SGCZ: variants seen among roughly 807,000 people sequenced by gnomAD.
SGCZ encodes sarcoglycan zeta.
SGCZ carries 40 observed loss-of-function variants against 41.3 expected under a neutral mutation model. The observed-to-expected ratio is 0.97, with a 90% CI of 0.75 to 1.26. The LOEUF (loss-of-function observed/expected upper bound fraction) is 1.26, where lower values mean the gene tolerates loss of function less well. Among genes scored for constraint, SGCZ ranks in the 50% most tolerant of loss-of-function variants. The pLI, the probability that SGCZ is intolerant of heterozygous loss-of-function variation, is 0.00. For synonymous variants in SGCZ, 206 were observed against 137.5 expected (o/e 1.50, Z -3.49); for missense variants, 552 against 369.8 (o/e 1.49, Z -4.04).
chr8:14,333,727 T>C (rs753779545), intron 2 of SGCZ, among the ~76,000 whole-genome samples: 32 of 151,830 alleles, frequency 2.1e-4, no homozygotes, highest in Non-Finnish European at 4.0e-4. Flanking sequence ...GGTGAAATAA[T>C]ACCCCTTTAA....
chr8:14,356,778 AAAT>A (rs1803311812), intron 2 of SGCZ, among the ~76,000 whole-genome samples: 1 of 152,090 alleles, frequency 6.6e-6, no homozygotes. Flanking sequence ...ATACGATTGC[AAAT>A]AATACTAGGT....
chr8:15,176,476 T>C (rs1220827268), intron 1 of SGCZ, among the ~76,000 whole-genome samples: 1 of 152,204 alleles, frequency 6.6e-6, no homozygotes, highest in Non-Finnish European at 1.5e-5. Flanking sequence ...TAATACTGTA[T>C]GTGAATATAC....
At chr8:14,430,877 C>T (rs1799924903) in intron 2 of SGCZ, among the ~76,000 whole-genome samples, 1 of 152,066 alleles carries the variant, frequency 6.6e-6, no homozygotes, top group African/African-American at 2.4e-5. Flanking sequence ...GTACACAAAT[C>T]AGTAGCTTTT....
chr8:15,085,082 G>A (rs1301314104), intron 1 of SGCZ, among the ~76,000 whole-genome samples: 1 of 152,160 alleles, frequency 6.6e-6, no homozygotes, highest in Non-Finnish European at 1.5e-5. Flanking sequence ...GATCTATGCA[G>A]TCAATTATCC....
intron 1 of SGCZ, among the ~76,000 whole-genome samples, chr8:14,675,230 G>C (rs866817853): frequency 6.6e-6 from 1 of 151,506 alleles, no homozygotes; most frequent in Admixed American, 6.6e-5. Context: ...GTGAGCCACC[G>C]CACCCGGCCA....
intron 1 of SGCZ, among the ~76,000 whole-genome samples, chr8:14,726,874 T>C (rs1810073690): frequency 6.6e-6 from 1 of 152,072 alleles, no homozygotes; most frequent in South Asian, 2.1e-4. Context: ...GTATCTAGTA[T>C]AAATATTATT....
At chr8:14,412,788 A>T (rs1799396010) in intron 2 of SGCZ, among the ~76,000 whole-genome samples, 1 of 152,018 alleles carries the variant, frequency 6.6e-6, no homozygotes, top group South Asian at 2.1e-4. Context: ...AAATAGCAGC[A>T]ACTATAAGGA....
chr8:14,309,620 C>T (rs1158810674), intron 3 of SGCZ: 11 of 1,610,728 alleles, frequency 6.8e-6, no homozygotes, highest in South Asian at 4.4e-5. Flanking sequence ...ATCAGTCCCA[C>T]GCAGACACAG....
chr8:14,818,722 A>G (rs989595184), intron 1 of SGCZ, among the ~76,000 whole-genome samples: 2 of 152,176 alleles, frequency 1.3e-5, no homozygotes, highest in Admixed American at 1.3e-4. Context: ...GAGAAATTCA[A>G]CAAAGAGAAA....
At chr8:14,444,569 A>G (rs1015652678) in intron 2 of SGCZ, among the ~76,000 whole-genome samples, 2 of 150,672 alleles carry the variant, frequency 1.3e-5, no homozygotes, top group Admixed American at 6.6e-5. Context: ...AGAACAAAAA[A>G]CCAAACACCA....
At chr8:15,002,974 G>T (rs1025480540) in intron 1 of SGCZ, among the ~76,000 whole-genome samples, 8 of 151,580 alleles carry the variant, frequency 5.3e-5, no homozygotes, top group Non-Finnish European at 1.2e-4. Flanking sequence ...TTTTATAAAG[G>T]GGAGTTCCCC....
intron 6 of SGCZ, among the ~76,000 whole-genome samples, chr8:14,104,624 C>T (rs1476634723): frequency 6.6e-6 from 1 of 152,156 alleles, no homozygotes; most frequent in African/African-American, 2.4e-5. Flanking sequence ...TCATTATGTT[C>T]TTCTCATAGG....
intron 1 of SGCZ, among the ~76,000 whole-genome samples, chr8:14,637,797 T>C (rs375758759): frequency 7.9e-5 from 12 of 151,862 alleles, no homozygotes; most frequent in East Asian, 3.9e-4. Context: ...GCATGTATCT[T>C]TTTGGTGGAA....
chr8:14,840,375 A>C (rs1802859889), intron 1 of SGCZ, among the ~76,000 whole-genome samples: 1 of 152,158 alleles, frequency 6.6e-6, no homozygotes, highest in African/African-American at 2.4e-5. Flanking sequence ...ATCAAATGTG[A>C]ATTCACATTG....
At chr8:14,777,762 G>A (rs1018137139) in intron 1 of SGCZ, among the ~76,000 whole-genome samples, 4 of 152,158 alleles carry the variant, frequency 2.6e-5, no homozygotes, top group African/African-American at 9.7e-5. Context: ...GAGAGAGACA[G>A]AGACACAGAA....
chr8:14,431,756 C>T (rs969189033), intron 2 of SGCZ, among the ~76,000 whole-genome samples: 8 of 152,084 alleles, frequency 5.3e-5, no homozygotes, highest in Admixed American at 2.0e-4. Context: ...ACCCACAGAG[C>T]GGGAGAAAAT....
chr8:15,139,813 T>C (rs1407876370), intron 1 of SGCZ, among the ~76,000 whole-genome samples: 2 of 152,284 alleles, frequency 1.3e-5, no homozygotes, highest in African/African-American at 4.8e-5. Flanking sequence ...TTGTTATCTA[T>C]TTTTAATTAT....
chr8:14,306,009 T>C (rs1404183031), intron 3 of SGCZ, among the ~76,000 whole-genome samples: 3 of 152,172 alleles, frequency 2.0e-5, no homozygotes, highest in Non-Finnish European at 4.4e-5. Context: ...TTCTAGGTTA[T>C]TCAGCCCCAG....
intron 2 of SGCZ, among the ~76,000 whole-genome samples, chr8:14,358,055 T>G (rs1418930098): frequency 6.6e-6 from 1 of 152,150 alleles, no homozygotes; most frequent in South Asian, 2.1e-4. Flanking sequence ...ATTCGTGCAC[T>G]CACTCATTTA....
Sources: gnomAD v4.1 joint callset for allele counts (sites outside exome capture counted in the v4.1 genomes callset) on GRCh38, gnomAD v4.1.1 for gene constraint, MANE v1.5 for transcripts, NCBI Gene and HGNC (gene_info 2026-07-23, HGNC 2026-07-21) for gene names.